LIMCH1: variants seen among roughly 807,000 people sequenced by gnomAD.
LIMCH1 encodes the protein LIM and calponin homology domains 1, also known as LIM and calponin homology domains-containing protein 1.
A neutral mutation model predicts 176.5 loss-of-function variants in LIMCH1; 113 were observed. That is an observed-to-expected ratio of 0.64 (90% CI 0.55 to 0.75). LIMCH1 has a LOEUF of 0.75. Among genes scored for constraint, LIMCH1 ranks in the 30% least tolerant of loss-of-function variants. LIMCH1 has a pLI of 0.00. For missense variants in LIMCH1, 1,674 were observed against 1,814.9 expected (o/e 0.92, Z 1.41); for synonymous variants, 619 against 645.9 (o/e 0.96, Z 0.63).
chr4:41,614,344 A>G (rs1163105274), intron 5 of LIMCH1, among the ~76,000 whole-genome samples: 2 of 152,208 alleles, frequency 1.3e-5, no homozygotes, highest in East Asian at 3.8e-4. Context: ...ATATACACGT[A>G]ATGCCTATTT....
intron 1 of LIMCH1, among the ~76,000 whole-genome samples, chr4:41,426,774 A>C (rs1267346849): frequency 6.6e-6 from 1 of 152,256 alleles, no homozygotes; most frequent in East Asian, 1.9e-4. Flanking sequence ...AAACTTCTTC[A>C]GCCTTGCTGA....
intron 1 of LIMCH1, among the ~76,000 whole-genome samples, chr4:41,560,065 C>G (rs962346340): frequency 1.3e-5 from 2 of 152,100 alleles, no homozygotes; most frequent in African/African-American, 4.8e-5. Context: ...CCAAACTGTC[C>G]AAAGTGTAAT....
In LIMCH1 at chr4:41,397,435, T is replaced by A. The variant is rs1039792176; in HGVS notation, c.96+36499T>A. Among the ~76,000 whole-genome samples the A allele has an allele frequency of 2.0e-5, 3 of 151,448 alleles. No individual in the cohort carries two copies. The South Asian group carries it at 6.3e-4, about 32-fold the overall frequency. On this transcript the variant is annotated intron_variant, in intron 1 of 26. Coordinates refer to the LIMCH1 transcript ENST00000313860. ...AGATGTATTAATTCCCTTCCTGAAG[T>A]TTTTTTTTCAGAATACGTTATATGG...
At chr4:41,640,114 T>C (rs780172238) in intron 14 of LIMCH1, among the ~76,000 whole-genome samples, 6 of 152,232 alleles carry the variant, frequency 3.9e-5, no homozygotes, top group Admixed American at 6.5e-5. Flanking sequence ...ATGTGTGATC[T>C]GACATAAAGA....
Position 41,437,497 on chromosome 4 carries a change from CTG to C in LIMCH1, c.97-57037_97-57036del, listed in dbSNP as rs1413517909. Among the ~76,000 whole-genome samples the C allele has an allele frequency of 3.3e-5, 5 of 152,194 alleles. No homozygotes were observed. In the East Asian group the frequency reaches 9.7e-4, roughly 29 times the overall value. On this transcript the variant is annotated intron_variant, in intron 1 of 26. Transcript: ENST00000313860. ...GCATTTGTAACAGATAGAAAGGAAA[CTG>C]TAGTGGAATTAACTTAAAGAGGAAA...
At chr4:41,606,965 A>G (rs1226300610) in intron 4 of LIMCH1, among the ~76,000 whole-genome samples, 1 of 152,040 alleles carries the variant, frequency 6.6e-6, no homozygotes, top group East Asian at 1.9e-4. Context: ...AGCCTGGCTA[A>G]TTTTTGTATT....
chr4:41,633,078 C>T lies in LIMCH1; in HGVS notation c.1822C>T (p.Gln608Ter). The T allele has an allele frequency of 6.5e-7, 1 of 1,533,676 alleles. No individual in the cohort carries two copies. Among genetic ancestry groups the T allele is most frequent in the Non-Finnish European group, 8.7e-7 (1 of 1,145,362 alleles). ...GGCAGAAAGATCAGAGGACAGCAGC[C>T]AGCCACTGTGAGCATCTTGCCTGCG... Reference protein sequence around the residue: ...SKAERSEDSSQPLVCPLASEC... With the variant: ...SKAERSEDSS The change falls in exon 12 of 32, where the codon CAG (glutamine) becomes TAG (stop). Residue 608 changes from glutamine to a stop codon, truncating the protein, a stop_gained. Transcript: ENST00000503057. LOFTEE classifies it high-confidence loss of function.
rs979217749 is a variant in LIMCH1, at chr4:41,641,384, AT to A, written c.2126+2426del. On this transcript the variant is annotated intron_variant, in intron 14 of 31. Coordinates refer to ENST00000503057, the MANE Select transcript of LIMCH1 (RefSeq NM_001330672.2). ...AGTATTATCAATTCTCAACTTCTTA[AT>A]TTTTTTTTGAAAATGGCATAAATAT... 1.0e-3 allele frequency among the ~76,000 whole-genome samples: 155 copies of A among 150,888 alleles called. 1 individual carries two copies. Among genetic ancestry groups the A allele is most frequent in the African/African-American group, 3.7e-3 (150 of 41,070 alleles).
intron 18 of LIMCH1, among the ~76,000 whole-genome samples, 190 bp downstream of exon 18, chr4:41,650,798 A>G (rs2094262672): frequency 6.6e-6 from 1 of 152,168 alleles, no homozygotes; most frequent in South Asian, 2.1e-4. Context: ...CCTGGTAGCT[A>G]GAAGTCCAAA....
chr4:41,537,025 A>G (rs770720876), upstream of LIMCH1, among the ~76,000 whole-genome samples: 1 of 152,238 alleles, frequency 6.6e-6, no homozygotes, highest in Non-Finnish European at 1.5e-5. Context: ...TCTAAAAACT[A>G]TTCTAAAATA....
rs1048841315 is a variant in LIMCH1, at chr4:41,603,758, T to G, written c.-133-117T>G. On this transcript the variant is annotated intron_variant, in intron 2 of 31. Coordinates refer to ENST00000503057, the MANE Select transcript of LIMCH1 (RefSeq NM_001330672.2). ...AACTTAAGCCTTAAAAAATAATACA[T>G]TCTTCTGATTTCATTATATATGTTA... is the stretch of plus-strand genomic sequence containing the variant. The G allele has an allele frequency of 1.1e-5, 7 of 646,820 alleles. No individual in the cohort carries two copies. The African/African-American group carries it at 1.1e-4, about 10-fold the overall frequency. 40.1% of individuals were successfully genotyped at this position (646,820 alleles called of 1,614,324 possible).
chr4:41,547,895 AT>A (rs1212454876), intron 1 of LIMCH1, among the ~76,000 whole-genome samples: 10 of 143,472 alleles, frequency 7.0e-5, no homozygotes, highest in South Asian at 2.2e-4. Flanking sequence ...ATATATATAT[AT>A]AAACAGTGAG....
intron 1 of LIMCH1, among the ~76,000 whole-genome samples, chr4:41,559,944 A>C (rs1299478083): frequency 1.3e-5 from 2 of 152,102 alleles, no homozygotes; most frequent in Non-Finnish European, 2.9e-5. Context: ...TCCATATGCC[A>C]AAAATTCCCA....
At position 41,419,270 on chromosome 4, in the gene LIMCH1, C is replaced by T. The variant is rs141939515; in HGVS notation, c.96+58334C>T. Among the ~76,000 whole-genome samples, 298 of 152,102 alleles carry T rather than the reference C, an allele frequency of 2.0e-3. 2 individuals are homozygous for T. Among genetic ancestry groups the T allele is most frequent in the Non-Finnish European group, 3.2e-3 (220 of 67,996 alleles). Reference sequence around the variant, plus strand: ...TCAGCTCACTGCAACCTTCGCCTCCCGGGTTCCACAGATTCTCCTGCCTCA... The same window carrying T: ...TCAGCTCACTGCAACCTTCGCCTCCTGGGTTCCACAGATTCTCCTGCCTCA... On this transcript the variant is annotated intron_variant, in intron 1 of 26. Transcript: ENST00000313860.
intron 5 of LIMCH1, among the ~76,000 whole-genome samples, chr4:41,616,545 T>C (rs1479188356): frequency 6.6e-6 from 1 of 151,644 alleles, no homozygotes; most frequent in Non-Finnish European, 1.5e-5. Context: ...ATAATAATAA[T>C]AATAATAAAA....
chr4:41,603,723 G>A (rs769484564), intron 2 of LIMCH1, 152 bp from the exon 3 acceptor site: 59 of 563,436 alleles, frequency 1.0e-4, no homozygotes, highest in East Asian at 2.0e-4. Context: ...TTCAGTGCCC[G>A]AAATCACAAA....
intron 1 of LIMCH1, among the ~76,000 whole-genome samples, chr4:41,433,118 A>G (rs1322788033): frequency 6.6e-6 from 1 of 152,240 alleles, no homozygotes; most frequent in Admixed American, 6.5e-5. Context: ...TTGGAGAAGG[A>G]AAAAAGTAGT....
chr4:41,593,853 G>A (rs965107378), intron 1 of LIMCH1, among the ~76,000 whole-genome samples: 4 of 152,142 alleles, frequency 2.6e-5, no homozygotes, highest in African/African-American at 9.7e-5. Flanking sequence ...ACTGTCCCTT[G>A]ATCTAGATTC....
chr4:41,458,305 TA>T (rs1309059772), intron 1 of LIMCH1, among the ~76,000 whole-genome samples: 1 of 152,074 alleles, frequency 6.6e-6, no homozygotes, highest in Admixed American at 6.5e-5. Context: ...GAGTGACTTG[TA>T]AAAAAACCAA....
Sources: allele counts gnomAD v4.1 joint callset (sites outside exome capture counted in the v4.1 genomes callset), GRCh38; gene constraint gnomAD v4.1.1; transcripts MANE v1.5; gene names NCBI Gene and HGNC (gene_info 2026-07-23, HGNC 2026-07-21).